The following RGS6 variants were observed in gnomAD, a reference collection of about 807,000 sequenced individuals.
RGS6 encodes regulator of G protein signaling 6.
Under a neutral mutation model 78.5 loss-of-function variants are expected in RGS6, and 30 were observed. That is an observed-to-expected ratio of 0.38 (90% CI 0.29 to 0.52). The LOEUF (loss-of-function observed/expected upper bound fraction) is 0.52, where lower values mean the gene tolerates loss of function less well. Ranked by LOEUF, RGS6 falls within the 20% of genes least tolerant of loss-of-function variation. The pLI is 0.85. For synonymous variants in RGS6, 206 were observed against 206.0 expected (o/e 1.00, Z 0.00); for missense variants, 495 against 609.7 (o/e 0.81, Z 1.98).
chr14:72,113,354 A>T (rs906104938), intron 2 of RGS6, among the ~76,000 whole-genome samples: 1 of 151,982 alleles, frequency 6.6e-6, no homozygotes, highest in Non-Finnish European at 1.5e-5. Context: ...CAGACTCAGG[A>T]CTCCTGTTTC....
chr14:72,354,033 C>CACAT (rs1596171453), intron 3 of RGS6, among the ~76,000 whole-genome samples: 5 of 151,908 alleles, frequency 3.3e-5, no homozygotes, highest in Admixed American at 3.3e-4. Context: ...CACACACACA[C>CACAT]GCACACACAG....
chr14:72,220,890 A>C (rs2046710253), intron 2 of RGS6, among the ~76,000 whole-genome samples: 1 of 152,198 alleles, frequency 6.6e-6, no homozygotes, highest in Admixed American at 6.6e-5. Flanking sequence ...TGGGAAGAAA[A>C]GAATGGGACC....
the RGS6 span, among the ~76,000 whole-genome samples, chr14:72,601,348 A>C: frequency 6.8e-6 from 1 of 147,590 alleles, no homozygotes; most frequent in African/African-American, 2.5e-5. Context: ...AATCTAACCC[A>C]CTCAGCACAG....
At chr14:72,186,053 A>G (rs1264719441) in intron 2 of RGS6, among the ~76,000 whole-genome samples, 1 of 152,256 alleles carries the variant, frequency 6.6e-6, no homozygotes, top group East Asian at 1.9e-4. Context: ...GGAACTGAGT[A>G]TCTAATAGGT....
intron 2 of RGS6, among the ~76,000 whole-genome samples, chr14:72,246,986 G>T (rs1241977206): frequency 6.6e-6 from 1 of 152,048 alleles, no homozygotes; most frequent in African/African-American, 2.4e-5. Context: ...CTGGCTGTCA[G>T]ATATGCTGGG....
intron 3 of RGS6, among the ~76,000 whole-genome samples, chr14:72,421,394 A>G (rs889167857): frequency 4.6e-5 from 7 of 152,154 alleles, no homozygotes; most frequent in African/African-American, 1.7e-4. Context: ...TTTTAAACTA[A>G]GCCAAAGACT....
intron 3 of RGS6, among the ~76,000 whole-genome samples, chr14:72,416,419 A>G (rs1461931926): frequency 6.6e-6 from 1 of 152,214 alleles, no homozygotes; most frequent in Non-Finnish European, 1.5e-5. Flanking sequence ...ACTTTGTATT[A>G]AGCCTAAAAC....
Position 72,564,995 on chromosome 14 carries a change from T to C in RGS6, c.*2528T>C, listed in dbSNP as rs2097703346. 1 of 152,198 alleles carries C rather than the reference T, an allele frequency of 6.6e-6. No homozygotes were observed. Among genetic ancestry groups the C allele is most frequent in the East Asian group, 1.9e-4 (1 of 5,196 alleles). The allele number at this position is 152,198 out of a possible 1,614,324, so 9.4% of individuals were successfully genotyped here. A position where few individuals can be genotyped will look rare whatever the true frequency, so the allele number is the denominator to read the frequency against. ...GTGGAACGAGGCTGCCTATCCAAGG[T>C]CCATCTACCACGCAGAACTTGGTCA... On this transcript the variant is annotated 3_prime_UTR_variant, in exon 18 of 18. Coordinates refer to ENST00000553525, the MANE Select transcript of RGS6 (RefSeq NM_001204424.2).
intron 2 of RGS6, among the ~76,000 whole-genome samples, chr14:72,113,552 T>A (rs2095819598): frequency 6.6e-6 from 1 of 152,108 alleles, no homozygotes; most frequent in Admixed American, 6.5e-5. Flanking sequence ...TATAGAAGGG[T>A]CTGATGTTCT....
chr14:72,414,188 T>C (rs4597249), intron 3 of RGS6, among the ~76,000 whole-genome samples: 40,208 of 152,132 alleles, frequency 0.26, 6,812 homozygotes, highest in African/African-American at 0.47. Context: ...CCATTCTCCC[T>C]GTCACTTTCA....
At chr14:72,352,224 C>G in intron 3 of RGS6, 30 bp downstream of exon 3, 1 of 1,525,406 alleles carries the variant, frequency 6.6e-7, no homozygotes, top group East Asian at 2.3e-5. Flanking sequence ...GTGTTGGTAA[C>G]AGTCAGAACT....
At chr14:72,417,371 C>T (rs1321422419) in intron 3 of RGS6, among the ~76,000 whole-genome samples, 1 of 152,174 alleles carries the variant, frequency 6.6e-6, no homozygotes, top group Non-Finnish European at 1.5e-5. Context: ...ACTGTGCCAG[C>T]CAGCCATGAC....
chr14:72,104,452 T>C (rs2095592579), intron 2 of RGS6, among the ~76,000 whole-genome samples: 1 of 152,220 alleles, frequency 6.6e-6, no homozygotes, highest in Non-Finnish European at 1.5e-5. Flanking sequence ...CTCATAACTT[T>C]TATGCATTTA....
At chr14:72,398,572 G>T (rs2091865810) in intron 3 of RGS6, among the ~76,000 whole-genome samples, 1 of 151,978 alleles carries the variant, frequency 6.6e-6, no homozygotes. Context: ...TCTGATCTTA[G>T]TCATTTCTTG....
the RGS6 span, among the ~76,000 whole-genome samples, chr14:71,903,904 A>G: frequency 1.3e-5 from 2 of 152,204 alleles, no homozygotes; most frequent in South Asian, 2.1e-4. Flanking sequence ...ACCTGTTTAC[A>G]CATGAATAAA....
intron 3 of RGS6, 52 bp from the exon 4 acceptor site, chr14:72,454,476 A>G (rs367767495): frequency 4.5e-6 from 7 of 1,544,494 alleles, no homozygotes; most frequent in Non-Finnish European, 6.3e-6. Context: ...TTCTTCTGCC[A>G]CAGTGTTAAA....
intron 2 of RGS6, among the ~76,000 whole-genome samples, chr14:72,350,193 G>A (rs772678090): frequency 6.6e-6 from 1 of 152,140 alleles, no homozygotes; most frequent in Admixed American, 6.5e-5. Flanking sequence ...GAAGGGCTGG[G>A]AGCTTAGAAT....
At chr14:72,032,929 T>C (rs959341889) in intron 2 of RGS6, among the ~76,000 whole-genome samples, 3 of 152,212 alleles carry the variant, frequency 2.0e-5, no homozygotes, top group Non-Finnish European at 4.4e-5. Context: ...TGTGCACTTA[T>C]CTCTTCATGA....
chr14:71,989,430 G>T (rs2094860489), intron 2 of RGS6, among the ~76,000 whole-genome samples: 1 of 152,188 alleles, frequency 6.6e-6, no homozygotes, highest in African/African-American at 2.4e-5. Flanking sequence ...ACTGAGTTAT[G>T]GTGTTCGGTG....
Sources: gnomAD v4.1 joint callset for allele counts (sites outside exome capture counted in the v4.1 genomes callset) on GRCh38, gnomAD v4.1.1 for gene constraint, MANE v1.5 for transcripts, NCBI Gene and HGNC (gene_info 2026-07-23, HGNC 2026-07-21) for gene names.